The following ZBTB20 variants were observed in gnomAD, a reference collection of about 807,000 sequenced individuals.
ZBTB20 encodes the protein zinc finger and BTB domain-containing protein 20.
ZBTB20 carries 9 observed loss-of-function variants against 56.9 expected under a neutral mutation model. The observed-to-expected ratio is 0.16, with a 90% CI of 0.10 to 0.28. The LOEUF is 0.28. ZBTB20 is among the 10% of genes least tolerant of loss of function. The pLI is 1.00. For missense variants in ZBTB20, 655 were observed against 1,003.0 expected (o/e 0.65, Z 4.69); for synonymous variants, 417 against 420.7 (o/e 0.99, Z 0.11).
At chr3:114,490,709 C>T (rs1399927374) in intron 7 of ZBTB20, among the ~76,000 whole-genome samples, 1 of 152,130 alleles carries the variant, frequency 6.6e-6, no homozygotes, top group South Asian at 2.1e-4. Flanking sequence ...CTAATTGTTT[C>T]TAAATCATCA....
intron 5 of ZBTB20, among the ~76,000 whole-genome samples, chr3:114,773,795 C>G (rs2069389037): frequency 6.6e-6 from 1 of 152,164 alleles, no homozygotes. Context: ...CACATGCCTA[C>G]TGGGGTATGT....
intron 6 of ZBTB20, among the ~76,000 whole-genome samples, chr3:114,532,534 T>G (rs927797919): frequency 3.3e-5 from 5 of 152,162 alleles, no homozygotes; most frequent in African/African-American, 1.2e-4. Context: ...ACAGAGCACC[T>G]GGGGGAAGGG....
intron 6 of ZBTB20, among the ~76,000 whole-genome samples, chr3:114,670,802 T>A (rs920927445): frequency 9.9e-5 from 15 of 152,096 alleles, no homozygotes; most frequent in African/African-American, 3.1e-4. Context: ...AGAAGCAAAA[T>A]GCTGTGGGGC....
chr3:114,981,008 A>G (rs1446822335), intron 2 of ZBTB20, among the ~76,000 whole-genome samples: 1 of 152,046 alleles, frequency 6.6e-6, no homozygotes, highest in Non-Finnish European at 1.5e-5. Flanking sequence ...TTTCACTTAA[A>G]ATGAAAAAAT....
chr3:114,407,724 T>C (rs2087472297), intron 7 of ZBTB20, among the ~76,000 whole-genome samples: 1 of 152,180 alleles, frequency 6.6e-6, no homozygotes, highest in African/African-American at 2.4e-5. Context: ...TTCAGAGAAG[T>C]AACATCTGAT....
At chr3:114,609,750 C>A (rs1401888096) in intron 6 of ZBTB20, among the ~76,000 whole-genome samples, 1 of 152,034 alleles carries the variant, frequency 6.6e-6, no homozygotes, top group Non-Finnish European at 1.5e-5. Context: ...TGAAATACAG[C>A]CGGAAATACA....
At chr3:115,006,460 G>GATATATATATATATATATAT (rs142153634) in intron 2 of ZBTB20, among the ~76,000 whole-genome samples, 62 of 144,350 alleles carry the variant, frequency 4.3e-4, no homozygotes, top group African/African-American at 1.6e-3. Context: ...TATCCAGTTG[G>GATATATATATATATATATAT]ATATATATAT....
intron 5 of ZBTB20, among the ~76,000 whole-genome samples, chr3:114,722,865 C>T (rs1300015951): frequency 1.3e-5 from 2 of 152,174 alleles, no homozygotes; most frequent in Non-Finnish European, 2.9e-5. Flanking sequence ...AGCTCTGTTT[C>T]AGGTGGGGGT....
chr3:114,517,952 A>G (rs2046206715), intron 6 of ZBTB20, among the ~76,000 whole-genome samples: 1 of 152,174 alleles, frequency 6.6e-6, no homozygotes, highest in Admixed American at 6.6e-5. Context: ...CAGAGCCAAC[A>G]TGGTACTATT....
intron 6 of ZBTB20, among the ~76,000 whole-genome samples, chr3:114,668,141 T>C (rs2061162154): frequency 6.6e-6 from 1 of 152,042 alleles, no homozygotes; most frequent in African/African-American, 2.4e-5. Flanking sequence ...TGGATAAATA[T>C]CCTGTACATA....
At chr3:114,490,642 C>A (rs1368181953) in intron 7 of ZBTB20, among the ~76,000 whole-genome samples, 2 of 152,140 alleles carry the variant, frequency 1.3e-5, no homozygotes, top group Non-Finnish European at 2.9e-5. Flanking sequence ...TAGATGCCAG[C>A]TCTTAACATT....
chr3:114,355,969 G>A (rs992831886), intron 10 of ZBTB20: 8 of 152,124 alleles, frequency 5.3e-5, no homozygotes, highest in Admixed American at 2.6e-4. Context: ...ACAGTGTTAT[G>A]AACACAAAAC....
At chr3:114,862,945 G>C (rs376268558) in intron 4 of ZBTB20, among the ~76,000 whole-genome samples, 86 of 152,212 alleles carry the variant, frequency 5.7e-4, no homozygotes, top group African/African-American at 1.9e-3. Flanking sequence ...CTATGTGCCA[G>C]GTATTGGAAG....
At chr3:114,672,717 A>G (rs1435875027) in intron 6 of ZBTB20, among the ~76,000 whole-genome samples, 1 of 152,164 alleles carries the variant, frequency 6.6e-6, no homozygotes, top group Non-Finnish European at 1.5e-5. Context: ...AGCGTAATTA[A>G]AAGAGTATGA....
chr3:114,715,337 C>T (rs951273618), intron 5 of ZBTB20, among the ~76,000 whole-genome samples: 2 of 152,212 alleles, frequency 1.3e-5, no homozygotes, highest in African/African-American at 4.8e-5. Flanking sequence ...CTTCCTCTAG[C>T]CACCTTTGTC....
At chr3:115,093,086 T>G (rs960434644) in intron 1 of ZBTB20, among the ~76,000 whole-genome samples, 1 of 152,118 alleles carries the variant, frequency 6.6e-6, no homozygotes, top group Non-Finnish European at 1.5e-5. Flanking sequence ...AGAGAGATCA[T>G]GATGTACTCA....
At chr3:115,048,081 C>T (rs375659732) in intron 2 of ZBTB20, among the ~76,000 whole-genome samples, 3 of 151,824 alleles carry the variant, frequency 2.0e-5, no homozygotes, top group South Asian at 2.1e-4. Context: ...AAAAATTGGC[C>T]GGGCGTGGTG....
At chr3:114,441,100 T>C (rs182116403) in intron 7 of ZBTB20, among the ~76,000 whole-genome samples, 42 of 152,346 alleles carry the variant, frequency 2.8e-4, no homozygotes, top group African/African-American at 7.7e-4. Context: ...AAAGATTTCT[T>C]GTCTCTTATC....
intron 4 of ZBTB20, among the ~76,000 whole-genome samples, chr3:114,887,897 T>C (rs921529897): frequency 6.6e-6 from 1 of 151,750 alleles, no homozygotes; most frequent in African/African-American, 2.4e-5. Context: ...TAAGGACAAA[T>C]AAAAATCAAT....
Sources: gnomAD v4.1 joint callset for allele counts (sites outside exome capture counted in the v4.1 genomes callset) on GRCh38, gnomAD v4.1.1 for gene constraint, MANE v1.5 for transcripts, NCBI Gene and HGNC (gene_info 2026-07-23, HGNC 2026-07-21) for gene names.